The following PTGER4 variants were observed in gnomAD, a reference collection of about 807,000 sequenced individuals.
The protein encoded by PTGER4 is prostaglandin E2 receptor EP4 subtype.
A neutral mutation model predicts 33.2 loss-of-function variants in PTGER4; 11 were observed. That is an observed-to-expected ratio of 0.33 (90% confidence interval 0.21 to 0.55). The LOEUF (loss-of-function observed/expected upper bound fraction) is 0.55. PTGER4 is among the 20% of genes least tolerant of loss of function. The pLI, the probability that PTGER4 is intolerant of heterozygous loss-of-function variation, is 0.92. For synonymous variants in PTGER4, 275 were observed against 281.5 expected (o/e 0.98, Z 0.23); for missense variants, 481 against 650.2 (o/e 0.74, Z 2.83).
intron 2 of PTGER4, among the ~76,000 whole-genome samples, chr5:40,682,861 G>A (rs1003322214): frequency 1.2e-4 from 18 of 152,262 alleles, no homozygotes; most frequent in African/African-American, 4.1e-4. Context: ...GTAAAGCGTG[G>A]GTTGGAGTTT....
chr5:40,682,775 G>C (rs1407259121), intron 2 of PTGER4, among the ~76,000 whole-genome samples: 1 of 152,162 alleles, frequency 6.6e-6, no homozygotes, highest in Non-Finnish European at 1.5e-5. Context: ...TGGACCTTAG[G>C]CCGTCTGAGG....
chr5:40,741,850 G>C, the PTGER4 span, among the ~76,000 whole-genome samples: 1 of 152,010 alleles, frequency 6.6e-6, no homozygotes, highest in Non-Finnish European at 1.5e-5. Context: ...TTAGCCAGGC[G>C]TGGTGGCACA....
the PTGER4 span, among the ~76,000 whole-genome samples, chr5:40,723,305 G>A: frequency 2.0e-5 from 3 of 151,902 alleles, no homozygotes; most frequent in Non-Finnish European, 2.9e-5. Context: ...GTGGAAGGCC[G>A]CAGGGTCCTC....
chr5:40,715,900 TAA>T, the PTGER4 span: 2 of 394,146 alleles, frequency 5.1e-6, no homozygotes, highest in Non-Finnish European at 4.5e-6. Context: ...CAGATTAAAC[TAA>T]GTTTATTAAT....
chr5:40,728,422 C>T, the PTGER4 span: 32 of 1,613,740 alleles, frequency 2.0e-5, no homozygotes, highest in African/African-American at 5.3e-5. Context: ...TTTTGCTGGA[C>T]GGCCATTTCT....
intron 2 of PTGER4, among the ~76,000 whole-genome samples, chr5:40,690,476 TC>T (rs746474975): frequency 2.0e-5 from 3 of 152,256 alleles, no homozygotes; most frequent in Non-Finnish European, 2.9e-5. Flanking sequence ...ATTTCATTCT[TC>T]CATGACTTTG....
At chr5:40,713,774 T>G in the PTGER4 span, among the ~76,000 whole-genome samples, 95 of 152,296 alleles carry the variant, frequency 6.2e-4, no homozygotes, top group African/African-American at 2.3e-3. Context: ...ATATTAAACA[T>G]CTATATCATT....
At chr5:40,734,863 A>G in the PTGER4 span, among the ~76,000 whole-genome samples, 2 of 152,230 alleles carry the variant, frequency 1.3e-5, no homozygotes, top group Admixed American at 6.5e-5. Flanking sequence ...GATAACAAAC[A>G]GTTAAAATAT....
the PTGER4 span, among the ~76,000 whole-genome samples, chr5:40,713,348 AACTAAAAGGGCTAT>A: frequency 5.3e-5 from 8 of 152,188 alleles, no homozygotes; most frequent in African/African-American, 1.9e-4. Flanking sequence ...ATTTTCAAAC[AACTAAAAGGGCTAT>A]ACTGTTCAGT....
the PTGER4 span, among the ~76,000 whole-genome samples, chr5:40,731,761 C>T: frequency 6.6e-6 from 1 of 152,146 alleles, no homozygotes; most frequent in Non-Finnish European, 1.5e-5. Context: ...CTAAGATTGC[C>T]TTCCTACTCC....
chr5:40,685,855 TCTC>T (rs1741310568), intron 2 of PTGER4, among the ~76,000 whole-genome samples: 1 of 152,218 alleles, frequency 6.6e-6, no homozygotes, highest in South Asian at 2.1e-4. Context: ...GTATTGAATA[TCTC>T]CTAACAAGAT....
In PTGER4 at chr5:40,681,560, G is replaced by T. The variant is rs774439782; in HGVS notation, c.567G>T (p.Ala189=). 1.2e-6 allele frequency: 2 copies of T among 1,611,496 alleles called. No homozygotes were observed. Among genetic ancestry groups the T allele is most frequent in the African/African-American group, 1.3e-5 (1 of 74,932 alleles). The change falls in exon 2 of 3, where the codon GCG becomes GCT. Residue 189 remains alanine, a synonymous_variant. Transcript: ENST00000302472. The surrounding 1 kb of genome is among the most constrained non-coding windows in gnomAD (Gnocchi z 9.8). ...ACGCCGCCTACTCCTACATGTACGCGGGCTTCAGCTCCTTCCTCATTCTCG... is the reference window on the plus strand; with the variant it reads ...ACGCCGCCTACTCCTACATGTACGCTGGCTTCAGCTCCTTCCTCATTCTCG... ...TAHAAYSYMY[A]GFSSFLILAT... is the part of the protein sequence containing the mutation.
Position 40,691,077 on chromosome 5 carries a change from G to A in PTGER4, c.868-702G>A, listed in dbSNP as rs1205859861. 6.6e-6 allele frequency among the ~76,000 whole-genome samples: 1 copy of A among 152,200 alleles called. No homozygotes were observed. Among genetic ancestry groups the A allele is most frequent in the Non-Finnish European group, 1.5e-5 (1 of 68,028 alleles). ...GCTCTGTTGCCCTGGCTGGAGTGCA[G>A]TGGCATCATCTCAGCTCACTGCAAC... On this transcript the variant is annotated intron_variant, in intron 2 of 2. Transcript: ENST00000302472. The surrounding 1 kb of genome is among the most constrained non-coding windows in gnomAD (Gnocchi z 4.2).
the PTGER4 span, chr5:40,728,571 G>C: frequency 8.2e-7 from 1 of 1,221,344 alleles, no homozygotes; most frequent in Non-Finnish European, 1.1e-6. Context: ...TATATTTTTA[G>C]TCCAGTAAAA....
At chr5:40,701,889 A>G in the PTGER4 span, among the ~76,000 whole-genome samples, 1 of 152,222 alleles carries the variant, frequency 6.6e-6, no homozygotes, top group East Asian at 1.9e-4. Flanking sequence ...AACATCATAA[A>G]GAAAAAAATC....
chr5:40,731,877 C>A, the PTGER4 span, among the ~76,000 whole-genome samples: 2 of 152,246 alleles, frequency 1.3e-5, no homozygotes, highest in Non-Finnish European at 2.9e-5. Context: ...AGTACCACTT[C>A]AGACCACATA....
At position 40,683,673 on chromosome 5, in the gene PTGER4, AG is replaced by A. The variant is rs777872721; in HGVS notation, c.867+1814del. On this transcript the variant is annotated intron_variant, in intron 2 of 2. Coordinates refer to ENST00000302472, the MANE Select transcript of PTGER4 (RefSeq NM_000958.3). The surrounding 1 kb of genome is among the most constrained non-coding windows in gnomAD (Gnocchi z 4.2). The stretch of plus-strand genomic sequence containing the variant: ...CATGTAAAGCTATGGATTTCTGCAC[AG>A]CCACGGATGAATTATTTTCTTCCAA... 9.2e-5 allele frequency among the ~76,000 whole-genome samples: 14 copies of A among 152,372 alleles called. No homozygotes were observed. Among genetic ancestry groups the A allele is most frequent in the Non-Finnish European group, 1.8e-4 (12 of 68,038 alleles).
chr5:40,710,471 T>G, the PTGER4 span, among the ~76,000 whole-genome samples: 1 of 152,244 alleles, frequency 6.6e-6, no homozygotes, highest in Non-Finnish European at 1.5e-5. Context: ...ACTTTTACAC[T>G]GTTGGTGGGA....
chr5:40,740,177 T>C, the PTGER4 span, among the ~76,000 whole-genome samples: 1 of 152,054 alleles, frequency 6.6e-6, no homozygotes, highest in Admixed American at 6.6e-5. Context: ...ATTATCTTTT[T>C]AAAGAATTTA....
Sources: gnomAD v4.1 joint callset for allele counts (sites outside exome capture counted in the v4.1 genomes callset) on GRCh38, gnomAD v4.1.1 for gene constraint, Gnocchi (gnomAD v3.1) non-coding constraint, MANE v1.5 for transcripts, NCBI Gene and HGNC (gene_info 2026-07-23, HGNC 2026-07-21) for gene names.